CACNA1B: variants seen among roughly 807,000 people sequenced by gnomAD.
The protein encoded by CACNA1B is voltage-dependent N-type calcium channel subunit alpha-1B.
Under a neutral mutation model 247.2 loss-of-function variants are expected in CACNA1B, and 70 were observed. That is an observed-to-expected ratio of 0.28 (90% CI 0.23 to 0.35). The LOEUF is 0.35. CACNA1B is among the 10% of genes least tolerant of loss of function. CACNA1B has a pLI of 1.00. For missense variants in CACNA1B, 2,367 were observed against 3,197.4 expected (o/e 0.74, Z 6.26); for synonymous variants, 1,231 against 1,294.4 (o/e 0.95, Z 1.05).
intron 19 of CACNA1B, among the ~76,000 whole-genome samples, chr9:138,024,536 A>G (rs1383644569): frequency 6.6e-6 from 1 of 152,198 alleles, no homozygotes; most frequent in African/African-American, 2.4e-5. Context: ...TAAAAAACGT[A>G]CAGAAGGCCA....
intron 13 of CACNA1B, among the ~76,000 whole-genome samples, chr9:137,984,724 C>G (rs2133381036): frequency 6.6e-6 from 1 of 152,294 alleles, no homozygotes; most frequent in Non-Finnish European, 1.5e-5. Flanking sequence ...ACCTGCCTGG[C>G]CCCTGTGCTC....
At position 137,934,387 on chromosome 9, in the gene CACNA1B, G is replaced by C. The variant is rs547955050; in HGVS notation, c.966+16956G>C. 2.0e-5 allele frequency among the ~76,000 whole-genome samples: 3 copies of C among 152,314 alleles called. No homozygotes were observed. In the South Asian group the frequency reaches 6.2e-4, roughly 32 times the overall value. On this transcript the variant is annotated intron_variant, in intron 6 of 46. Transcript: ENST00000371372. ...GATCCCTCTTTCCATGTTTTAACAA[G>C]TACCTGATTTCTCATTTTGGAGATC... is the stretch of plus-strand genomic sequence containing the variant.
intron 35 of CACNA1B, among the ~76,000 whole-genome samples, 200 bp from the exon 36 acceptor site, chr9:138,077,914 G>A (rs1960383243): frequency 6.6e-6 from 1 of 152,196 alleles, no homozygotes; most frequent in Non-Finnish European, 1.5e-5. Context: ...AGTAAGCAGT[G>A]GTTTCCCAAT....
At chr9:137,981,638 A>C (rs1400883663) in intron 12 of CACNA1B, among the ~76,000 whole-genome samples, 2 of 152,038 alleles carry the variant, frequency 1.3e-5, no homozygotes, top group Non-Finnish European at 2.9e-5. Context: ...CAACACGTCC[A>C]GCTAATTTTT....
At chr9:137,878,297 C>T (rs958555041) in intron 1 of CACNA1B, 80 bp downstream of exon 1, 10 of 1,136,120 alleles carry the variant, frequency 8.8e-6, no homozygotes, top group Non-Finnish European at 1.1e-5. Flanking sequence ...TCCCGGTGGC[C>T]GGGAGGGCGC....
chr9:137,923,033 C>G (rs1957505179), intron 6 of CACNA1B, among the ~76,000 whole-genome samples: 1 of 152,194 alleles, frequency 6.6e-6, no homozygotes, highest in South Asian at 2.1e-4. Context: ...AAAACCACAC[C>G]AAATGTAACC....
At chr9:138,095,591 A>G (rs919779709) in intron 36 of CACNA1B, among the ~76,000 whole-genome samples, 13 of 152,238 alleles carry the variant, frequency 8.5e-5, no homozygotes, top group African/African-American at 2.7e-4. Context: ...TAGAATTACC[A>G]TATGACCCAG....
intron 11 of CACNA1B, among the ~76,000 whole-genome samples, 176 bp from the exon 12 acceptor site, chr9:137,975,731 T>C (rs2133370651): frequency 6.6e-6 from 1 of 152,270 alleles, no homozygotes; most frequent in Admixed American, 6.5e-5. Context: ...CCTCTCCGTG[T>C]CCCTCTGAAT....
At chr9:138,033,499 C>G (rs1189262698) in intron 20 of CACNA1B, among the ~76,000 whole-genome samples, 2 of 152,056 alleles carry the variant, frequency 1.3e-5, no homozygotes, top group Non-Finnish European at 2.9e-5. Context: ...GTTATGAGCC[C>G]TAAGTCTTAT....
intron 15 of CACNA1B, among the ~76,000 whole-genome samples, chr9:138,002,397 AATGATTTAAAG>A (rs1267655638): frequency 1.3e-5 from 2 of 152,150 alleles, no homozygotes; most frequent in African/African-American, 2.4e-5. Flanking sequence ...CAAACTTGAA[AATGATTTAAAG>A]ATGATTTAAA....
chr9:137,923,512 A>G (rs144137057), intron 6 of CACNA1B, among the ~76,000 whole-genome samples: 3 of 152,226 alleles, frequency 2.0e-5, no homozygotes, highest in East Asian at 3.9e-4. Flanking sequence ...GCCAGGTGGT[A>G]TTCCGTGGTG....
chr9:137,884,825 G>T (rs561284499), intron 3 of CACNA1B, among the ~76,000 whole-genome samples: 306 of 151,716 alleles, frequency 2.0e-3, no homozygotes, highest in Non-Finnish European at 3.1e-3. Flanking sequence ...AGGACCCCTG[G>T]ATCTCCCAGC....
chr9:138,104,544 G>A (rs1961360094), intron 38 of CACNA1B, among the ~76,000 whole-genome samples: 2 of 152,346 alleles, frequency 1.3e-5, no homozygotes, highest in South Asian at 4.1e-4. Flanking sequence ...GGCAAGTGGG[G>A]CTTTGCCAGC....
intron 12 of CACNA1B, among the ~76,000 whole-genome samples, chr9:137,976,277 A>AT (rs1208193948): frequency 6.6e-6 from 1 of 152,146 alleles, no homozygotes; most frequent in African/African-American, 2.4e-5. Context: ...CTGTCCATAG[A>AT]TTTTCATAAT....
At chr9:138,092,683 G>A (rs1960917781) in intron 36 of CACNA1B, among the ~76,000 whole-genome samples, 1 of 152,198 alleles carries the variant, frequency 6.6e-6, no homozygotes, top group Admixed American at 6.5e-5. Flanking sequence ...AATTATAAGA[G>A]TATTGATTGG....
intron 3 of CACNA1B, among the ~76,000 whole-genome samples, chr9:137,886,618 C>T (rs1957016674): frequency 6.6e-6 from 1 of 151,310 alleles, no homozygotes; most frequent in Admixed American, 6.6e-5. Context: ...ACCTCCCGGG[C>T]CTGGTCTCTT....
intron 20 of CACNA1B, among the ~76,000 whole-genome samples, chr9:138,035,523 A>AT (rs1319111120): frequency 6.6e-6 from 1 of 152,114 alleles, no homozygotes; most frequent in Non-Finnish European, 1.5e-5. Flanking sequence ...GTTTCTTATT[A>AT]TTTTTTAAGT....
intron 36 of CACNA1B, among the ~76,000 whole-genome samples, chr9:138,091,502 G>C (rs1478439281): frequency 6.6e-6 from 1 of 152,146 alleles, no homozygotes; most frequent in African/African-American, 2.4e-5. Context: ...ATTAACAACA[G>C]TTTGTTGAAT....
At chr9:137,967,742 T>G (rs530423395) in intron 10 of CACNA1B, among the ~76,000 whole-genome samples, 1 of 152,316 alleles carries the variant, frequency 6.6e-6, no homozygotes, top group South Asian at 2.1e-4. Flanking sequence ...GACACTCGGA[T>G]GCTTTTCCTT....
Sources: allele counts gnomAD v4.1 joint callset (sites outside exome capture counted in the v4.1 genomes callset), GRCh38; gene constraint gnomAD v4.1.1; transcripts MANE v1.5; gene names NCBI Gene and HGNC (gene_info 2026-07-23, HGNC 2026-07-21).